The following CCSER1 variants were observed in gnomAD, a reference collection of about 807,000 sequenced individuals.
The protein encoded by CCSER1 is serine-rich coiled-coil domain-containing protein 1.
A neutral mutation model predicts 82.0 loss-of-function variants in CCSER1; 41 were observed. The ratio of observed to expected loss-of-function variants is 0.50; its 90% CI spans 0.39 to 0.65. The LOEUF (loss-of-function observed/expected upper bound fraction) is 0.65. CCSER1 is among the 30% of genes least tolerant of loss of function. The pLI, the probability that CCSER1 is intolerant of heterozygous loss-of-function variation, is 0.00. For missense variants in CCSER1, 1,119 were observed against 1,064.2 expected (o/e 1.05, Z -0.72); for synonymous variants, 414 against 383.9 (o/e 1.08, Z -0.92).
At chr4:90,526,243 A>G (rs1773740776) in intron 5 of CCSER1, among the ~76,000 whole-genome samples, 1 of 152,104 alleles carries the variant, frequency 6.6e-6, no homozygotes, top group Admixed American at 6.6e-5. Flanking sequence ...GTTTGCCAAA[A>G]ATATTGACCA....
intron 10 of CCSER1, among the ~76,000 whole-genome samples, chr4:91,286,479 C>T (rs1161287943): frequency 6.6e-6 from 1 of 151,666 alleles, no homozygotes; most frequent in Non-Finnish European, 1.5e-5. Flanking sequence ...AGATACAGTT[C>T]TCTTCTCAAT....
At chr4:90,270,058 A>G (rs962978480) in intron 1 of CCSER1, among the ~76,000 whole-genome samples, 1 of 152,116 alleles carries the variant, frequency 6.6e-6, no homozygotes, top group East Asian at 1.9e-4. Flanking sequence ...AAAGCCCAAG[A>G]CCCAATGGAT....
chr4:90,454,633 C>G (rs781672034), intron 4 of CCSER1, among the ~76,000 whole-genome samples: 3 of 152,090 alleles, frequency 2.0e-5, no homozygotes, highest in Admixed American at 6.6e-5. Flanking sequence ...AATGATACTA[C>G]TATTCTTCTA....
At chr4:91,534,371 G>A (rs1761193507) in intron 10 of CCSER1, among the ~76,000 whole-genome samples, 1 of 151,868 alleles carries the variant, frequency 6.6e-6, no homozygotes. Flanking sequence ...TAAATTTAAT[G>A]TTCTTGGAAT....
intron 10 of CCSER1, among the ~76,000 whole-genome samples, chr4:91,209,487 T>G (rs553757090): frequency 2.0e-5 from 3 of 152,142 alleles, no homozygotes; most frequent in South Asian, 4.1e-4. Context: ...TTTTTGTCTT[T>G]AATTCTGTTT....
Position 91,168,305 on chromosome 4 carries a change from G to C in CCSER1, c.2217+82311G>C, listed in dbSNP as rs377222808. Among the ~76,000 whole-genome samples the C allele has an allele frequency of 3.4e-5, 5 of 145,418 alleles. No homozygotes were observed. The East Asian group carries it at 8.5e-4, about 25-fold the overall frequency. On this transcript the variant is annotated intron_variant, in intron 10 of 10. Transcript: ENST00000509176. The stretch of plus-strand genomic sequence containing the variant: ...TCTGCCCGGCCGCCCCTTCTGGGAT[G>C]TGAGGAGCGCCTCTGCCCGGCCACC...
chr4:91,042,163 C>A (rs1371070053), intron 9 of CCSER1, among the ~76,000 whole-genome samples: 1 of 152,148 alleles, frequency 6.6e-6, no homozygotes, highest in Non-Finnish European at 1.5e-5. Context: ...AAGGGACAGA[C>A]CAGGTGGAGG....
At chr4:90,252,441 G>A (rs1440084899) in intron 1 of CCSER1, among the ~76,000 whole-genome samples, 1 of 151,454 alleles carries the variant, frequency 6.6e-6, no homozygotes, top group Non-Finnish European at 1.5e-5. Flanking sequence ...GGTAATATAA[G>A]AACGTGTTTT....
intron 10 of CCSER1, among the ~76,000 whole-genome samples, chr4:91,573,690 T>A (rs576718882): frequency 6.6e-6 from 1 of 152,284 alleles, no homozygotes; most frequent in East Asian, 1.9e-4. Flanking sequence ...TTTCTTTGTT[T>A]TCCATGGATC....
chr4:91,560,544 T>G lies in CCSER1; in HGVS notation c.2218-38028T>G, dbSNP rs532438573. On this transcript the variant is annotated intron_variant, in intron 10 of 10. Coordinates refer to ENST00000509176, the MANE Select transcript of CCSER1 (RefSeq NM_001145065.2). The stretch of plus-strand genomic sequence containing the variant: ...CAGGCTATTAATTTAACTATATATT[T>G]TAAAAATTCAAAAGCTTTATGAGGT... Among the ~76,000 whole-genome samples the G allele has an allele frequency of 3.8e-4, 58 of 151,620 alleles. 1 individual carries two copies. The South Asian group carries it at 6.8e-3, about 18-fold the overall frequency.
rs1337281952 is a variant in CCSER1, at chr4:90,230,663, A to C, written c.-41-77581A>C. On this transcript the variant is annotated intron_variant, in intron 1 of 10. Transcript: ENST00000509176. ...AAATAGAGACACAAAAAACCCTTCA[A>C]AAAATTAATGAATCCAGGAGCTGGT... 3.5e-4 allele frequency among the ~76,000 whole-genome samples: 52 copies of C among 149,810 alleles called. 1 individual carries two copies. The East Asian group carries it at 9.6e-3, about 28-fold the overall frequency.
intron 9 of CCSER1, among the ~76,000 whole-genome samples, chr4:90,994,651 T>C (rs1207521902): frequency 6.6e-6 from 1 of 152,158 alleles, no homozygotes; most frequent in African/African-American, 2.4e-5. Flanking sequence ...TGAGGTCACA[T>C]ATAAAGTAAA....
At chr4:90,283,385 A>T (rs890903792) in intron 1 of CCSER1, among the ~76,000 whole-genome samples, 1 of 151,902 alleles carries the variant, frequency 6.6e-6, no homozygotes, top group African/African-American at 2.4e-5. Flanking sequence ...ACAGTTGCAC[A>T]TATTTATGGG....
Position 90,848,852 on chromosome 4 carries a change from T to C in CCSER1, c.2094+33007T>C, listed in dbSNP as rs374488320. On this transcript the variant is annotated intron_variant, in intron 8 of 10. Transcript: ENST00000509176. ...TTTATTTTATATATATGTTAGGATA[T>C]GTATACTTACATATATCATTTATCA... is the stretch of plus-strand genomic sequence containing the variant. Among the ~76,000 whole-genome samples, 335 of 152,362 alleles carry C rather than the reference T, an allele frequency of 2.2e-3. 2 individuals are homozygous for C. The highest frequency in any genetic ancestry group is 7.6e-3 in the African/African-American group (315 of 41,592).
At chr4:90,652,995 A>AT (rs1438219401) in intron 6 of CCSER1, among the ~76,000 whole-genome samples, 1 of 151,992 alleles carries the variant, frequency 6.6e-6, no homozygotes, top group Non-Finnish European at 1.5e-5. Context: ...CATGCCTGTG[A>AT]TTTTTCAGAA....
chr4:90,527,480 A>C (rs1292950268), intron 5 of CCSER1, among the ~76,000 whole-genome samples: 1 of 152,052 alleles, frequency 6.6e-6, no homozygotes, highest in African/African-American at 2.4e-5. Flanking sequence ...ATATCATCCC[A>C]GTGCACCTCT....
intron 10 of CCSER1, among the ~76,000 whole-genome samples, chr4:91,118,225 T>G (rs1211428046): frequency 1.3e-5 from 2 of 152,022 alleles, no homozygotes; most frequent in Non-Finnish European, 2.9e-5. Flanking sequence ...ATCTAACTCT[T>G]TTTCACCTTC....
At chr4:90,756,098 G>A (rs1479529459) in intron 7 of CCSER1, among the ~76,000 whole-genome samples, 1 of 152,010 alleles carries the variant, frequency 6.6e-6, no homozygotes, top group Non-Finnish European at 1.5e-5. Context: ...CGTGGTGGCA[G>A]GCACCTGTAA....
At chr4:90,688,058 G>A (rs1735143446) in intron 6 of CCSER1, among the ~76,000 whole-genome samples, 2 of 152,084 alleles carry the variant, frequency 1.3e-5, no homozygotes, top group African/African-American at 2.4e-5. Context: ...GAATGTTAAT[G>A]TGCATTTTTC....
Sources: allele counts gnomAD v4.1 joint callset (sites outside exome capture counted in the v4.1 genomes callset), GRCh38; gene constraint gnomAD v4.1.1; transcripts MANE v1.5; gene names NCBI Gene and HGNC (gene_info 2026-07-23, HGNC 2026-07-21).